Variants in GLI2 observed in about 807,000 individuals in gnomAD.
GLI2 encodes GLI family zinc finger 2, also known as transcription activator GLI2.
A neutral mutation model predicts 78.9 loss-of-function variants in GLI2; 22 were observed. The ratio of observed to expected loss-of-function variants is 0.28; its 90% CI spans 0.20 to 0.40. The LOEUF is 0.40. Among genes scored for constraint, GLI2 ranks in the 10% least tolerant of loss-of-function variants. The pLI, the probability that GLI2 is intolerant of heterozygous loss-of-function variation, is 1.00. For synonymous variants in GLI2, 974 were observed against 963.7 expected, an observed-to-expected ratio of 1.01 and a Z score of -0.20; for missense variants, 2,097 against 2,213.2, an observed-to-expected ratio of 0.95 and a Z score of 1.05.
chr2:120,811,293 G>T (rs1409785067), intron 2 of GLI2, among the ~76,000 whole-genome samples: 1 of 152,188 alleles, frequency 6.6e-6, no homozygotes, highest in African/African-American at 2.4e-5. Flanking sequence ...TTCAGAAGCA[G>T]CAAGGAGTCC....
chr2:120,982,809 G>A lies in GLI2; in HGVS notation c.1561G>A (p.Glu521Lys), dbSNP rs896259039. The A allele has an allele frequency of 9.9e-6, 16 of 1,614,150 alleles. No homozygotes were observed. The highest frequency in any genetic ancestry group is 2.2e-5 in the East Asian group (1 of 44,872). The change falls in exon 11 of 14, where the codon GAG becomes AAG. Residue 521 changes from glutamate to lysine, a missense_variant. Glu to Lys is a moderately conservative substitution (Grantham distance 56). Coordinates refer to ENST00000361492, the MANE Select transcript of GLI2 (RefSeq NM_001374353.1). ...TGEKPYVCEH[E>K]GCNKAFSNAS... ...GGAGAAGCCATATGTGTGTGAGCAC[G>A]AGGGCTGCAACAAAGCCTTCTCCAA...
At chr2:120,767,975 C>T (rs538166714) in intron 1 of GLI2, among the ~76,000 whole-genome samples, 6 of 152,224 alleles carry the variant, frequency 3.9e-5, no homozygotes, top group African/African-American at 1.2e-4. Flanking sequence ...CCCCCCACCA[C>T]AGTCAGTGCT....
intron 1 of GLI2, among the ~76,000 whole-genome samples, chr2:120,752,450 T>C (rs192022731): frequency 9.1e-4 from 139 of 152,214 alleles, no homozygotes; most frequent in African/African-American, 3.2e-3. Flanking sequence ...TTTGTATTTT[T>C]AGTAGAGATG....
intron 1 of GLI2, among the ~76,000 whole-genome samples, chr2:120,780,525 G>T (rs1246392857): frequency 6.6e-6 from 1 of 152,232 alleles, no homozygotes; most frequent in East Asian, 1.9e-4. Flanking sequence ...TGTGTCGTTT[G>T]CTCCCCTTCC....
chr2:120,982,982 T>C, intron 11 of GLI2, 102 bp downstream of exon 11: 1 of 1,103,320 alleles, frequency 9.1e-7, no homozygotes, highest in Non-Finnish European at 1.3e-6. Flanking sequence ...GTGCCCCATG[T>C]CCCGCCCCCG....
intron 1 of GLI2, among the ~76,000 whole-genome samples, chr2:120,767,451 G>A (rs559715947): frequency 2.6e-5 from 4 of 152,292 alleles, no homozygotes; most frequent in South Asian, 2.1e-4. Context: ...CCAGTCTGCC[G>A]CTGGTGAGAG....
intron 2 of GLI2, among the ~76,000 whole-genome samples, chr2:120,853,751 C>T (rs1330790948): frequency 6.6e-6 from 1 of 152,196 alleles, no homozygotes; most frequent in African/African-American, 2.4e-5. Context: ...CTCGCAGGCC[C>T]CAGGGGTCAG....
At chr2:120,877,374 A>G (rs958623882) in intron 2 of GLI2, among the ~76,000 whole-genome samples, 3 of 152,234 alleles carry the variant, frequency 2.0e-5, no homozygotes, top group Non-Finnish European at 4.4e-5. Flanking sequence ...AAAAATATGC[A>G]AATACAACAT....
At chr2:120,888,142 G>T (rs1416701116) in intron 2 of GLI2, among the ~76,000 whole-genome samples, 1 of 152,214 alleles carries the variant, frequency 6.6e-6, no homozygotes, top group African/African-American at 2.4e-5. Flanking sequence ...GCTGGATGCC[G>T]AAAAGAAACC....
chr2:120,914,531 G>A (rs895258325), intron 2 of GLI2, among the ~76,000 whole-genome samples: 2 of 152,212 alleles, frequency 1.3e-5, no homozygotes, highest in Non-Finnish European at 2.9e-5. Context: ...CAGCCCTATT[G>A]TTTCTTCCAG....
chr2:120,894,597 T>C (rs1297165471), intron 2 of GLI2, among the ~76,000 whole-genome samples: 2 of 150,888 alleles, frequency 1.3e-5, no homozygotes, highest in African/African-American at 2.5e-5. Context: ...AATGAAGACA[T>C]GCATTAACCC....
intron 5 of GLI2, among the ~76,000 whole-genome samples, chr2:120,963,980 G>A (rs993633567): frequency 6.6e-6 from 1 of 152,214 alleles, no homozygotes; most frequent in Non-Finnish European, 1.5e-5. Context: ...GTCAGCCCTT[G>A]GCACCTCCCA....
intron 1 of GLI2, among the ~76,000 whole-genome samples, chr2:120,744,207 G>A (rs1682633124): frequency 6.6e-6 from 1 of 152,238 alleles, no homozygotes; most frequent in Admixed American, 6.5e-5. Flanking sequence ...GTTGCAGTCT[G>A]ATGACAGGTT....
chr2:120,911,678 T>A (rs1045289660), intron 2 of GLI2, among the ~76,000 whole-genome samples: 1 of 152,262 alleles, frequency 6.6e-6, no homozygotes, highest in Admixed American at 6.5e-5. Flanking sequence ...GGCTGGTCGT[T>A]GACTCAGAGG....
intron 5 of GLI2, among the ~76,000 whole-genome samples, chr2:120,958,004 C>T (rs1411738452): frequency 6.6e-6 from 1 of 152,144 alleles, no homozygotes; most frequent in East Asian, 1.9e-4. Context: ...AAGGGAGGGC[C>T]AGCCGGGCCA....
chr2:120,811,051 G>T (rs557582404), intron 2 of GLI2, among the ~76,000 whole-genome samples: 2 of 152,312 alleles, frequency 1.3e-5, no homozygotes, highest in African/African-American at 4.8e-5. Context: ...CACTGTGACC[G>T]AGCCATGTAG....
chr2:120,902,227 A>G (rs911905360), intron 2 of GLI2, among the ~76,000 whole-genome samples: 11 of 106,124 alleles, frequency 1.0e-4, no homozygotes, highest in Non-Finnish European at 1.8e-4. Context: ...GCTTCCCCCA[A>G]AAGCTGGTTG....
At chr2:120,963,478 GTA>G in intron 5 of GLI2, among the ~76,000 whole-genome samples, 1 of 152,278 alleles carries the variant, frequency 6.6e-6, no homozygotes, top group East Asian at 1.9e-4. Flanking sequence ...TCCACCTGGG[GTA>G]TGTGTCTCCA....
At chr2:120,987,589 T>C (rs1002427153) in intron 13 of GLI2, among the ~76,000 whole-genome samples, 2 of 152,156 alleles carry the variant, frequency 1.3e-5, no homozygotes, top group African/African-American at 4.8e-5. Flanking sequence ...TTTCCTTCCA[T>C]GGGTATGGAC....
Sources: gnomAD v4.1 joint callset for allele counts (sites outside exome capture counted in the v4.1 genomes callset) on GRCh38, gnomAD v4.1.1 for gene constraint, MANE v1.5 for transcripts, NCBI Gene and HGNC (gene_info 2026-07-23, HGNC 2026-07-21) for gene names.